DST: variants seen among roughly 807,000 people sequenced by gnomAD.
DST encodes the protein dystonin, also known as bullous pemphigoid antigen.
Under a neutral mutation model 875.2 loss-of-function variants are expected in DST, and 253 were observed. The observed-to-expected ratio is 0.29, with a 90% CI of 0.26 to 0.32. The LOEUF (loss-of-function observed/expected upper bound fraction) is 0.32, where lower values mean the gene tolerates loss of function less well. Among genes scored for constraint, DST ranks in the 10% least tolerant of loss-of-function variants. The probability of loss-of-function intolerance (pLI) is 1.00; values close to 1 mark genes in which losing one functional copy is unlikely to be tolerated. For synonymous variants in DST, 3,124 were observed against 3,197.1 expected (o/e 0.98, Z 0.77); for missense variants, 8,287 against 9,111.6 (o/e 0.91, Z 3.68).
intron 100 of DST, 136 bp from the exon 101 acceptor site, chr6:56,463,900 A>G: frequency 2.2e-6 from 2 of 909,488 alleles, no homozygotes; most frequent in Non-Finnish European, 3.6e-6. Flanking sequence ...TGCCATGCCA[A>G]CTCCAACTCA....
chr6:56,924,422 A>AT (rs200418341), intron 2 of DST, among the ~76,000 whole-genome samples: 3,079 of 152,188 alleles, frequency 0.02, 107 homozygotes, highest in African/African-American at 0.07. Context: ...GATGTTATAT[A>AT]TTTTTTAATA....
At position 56,473,960 on chromosome 6, in the gene DST, T is replaced by C; in HGVS notation, c.21907A>G (p.Lys7303Glu). The C allele has an allele frequency of 6.3e-7, 1 of 1,584,250 alleles. No homozygotes were observed. The change falls in exon 93 of 104, where the codon AAA (lysine) becomes GAA (glutamate). Residue 7303 changes from lysine (K) to glutamate (E), a missense_variant. Transcript: ENST00000680361. The part of the protein sequence containing the change: ...EMTRKQPDVD[K>E]VTKTYKRRAA... Reference sequence around the variant, plus strand: ...CTCCTCTTATAGGTCTTCGTTACTTTATCAACATCAGGCTGTTTTCTGGTC... The same window carrying C: ...CTCCTCTTATAGGTCTTCGTTACTTCATCAACATCAGGCTGTTTTCTGGTC...
At chr6:56,526,255 C>A in intron 69 of DST, 106 bp downstream of exon 69, 1 of 1,198,394 alleles carries the variant, frequency 8.3e-7, no homozygotes, top group East Asian at 2.5e-5. Context: ...TTTGGAAGCA[C>A]AGCAAATGAA....
chr6:56,465,833 G>A (rs1179427246), intron 99 of DST, among the ~76,000 whole-genome samples: 1 of 138,840 alleles, frequency 7.2e-6, no homozygotes, highest in Non-Finnish European at 1.5e-5. Context: ...ATGGATTCTA[G>A]TATTTCCCGC....
chr6:56,503,767 C>G (rs537293023), intron 78 of DST, among the ~76,000 whole-genome samples: 1 of 151,918 alleles, frequency 6.6e-6, no homozygotes, highest in African/African-American at 2.4e-5. Flanking sequence ...TTTTTCTATA[C>G]GAACAGTTAT....
At chr6:56,537,333 T>G (rs2097026037) in intron 61 of DST, among the ~76,000 whole-genome samples, 1 of 152,164 alleles carries the variant, frequency 6.6e-6, no homozygotes, top group Non-Finnish European at 1.5e-5. Context: ...AAGTACAAAA[T>G]GAGCCTTCAT....
At chr6:56,537,663 T>C (rs1195542598) in intron 61 of DST, among the ~76,000 whole-genome samples, 2 of 152,326 alleles carry the variant, frequency 1.3e-5, no homozygotes, top group East Asian at 3.9e-4. Flanking sequence ...GGTTACTCTG[T>C]AGTCATTGTC....
chr6:56,499,901 C>A (rs369241673), intron 80 of DST, among the ~76,000 whole-genome samples: 2 of 152,082 alleles, frequency 1.3e-5, no homozygotes, highest in African/African-American at 2.4e-5. Flanking sequence ...GTCATTAGGG[C>A]TTTAAGCAAA....
At chr6:56,865,621 G>A (rs1172204300) in intron 3 of DST, among the ~76,000 whole-genome samples, 1 of 152,274 alleles carries the variant, frequency 6.6e-6, no homozygotes, top group African/African-American at 2.4e-5. Context: ...CTTCCAAAGT[G>A]CTGGGATTAC....
chr6:56,480,603 A>G (rs2095368844), intron 90 of DST, among the ~76,000 whole-genome samples: 1 of 152,226 alleles, frequency 6.6e-6, no homozygotes, highest in Non-Finnish European at 1.5e-5. Flanking sequence ...GAATGTATGA[A>G]GGGAAGCAGA....
chr6:56,904,857 T>A (rs777018810), intron 2 of DST, among the ~76,000 whole-genome samples: 1 of 152,198 alleles, frequency 6.6e-6, no homozygotes, highest in South Asian at 2.1e-4. Flanking sequence ...TGGCGCAATA[T>A]CGGCTCACTG....
intron 9 of DST, chr6:56,692,833 C>G (rs1320794058): frequency 7.8e-7 from 1 of 1,289,858 alleles, no homozygotes; most frequent in South Asian, 1.2e-5. Context: ...CTGTTTAACG[C>G]TGTCAGCTAC....
intron 17 of DST, among the ~76,000 whole-genome samples, chr6:56,641,414 C>G (rs1310627228): frequency 6.6e-6 from 1 of 152,048 alleles, no homozygotes; most frequent in Non-Finnish European, 1.5e-5. Context: ...TGGCAAAACC[C>G]TGCCTCCACT....
chr6:56,865,893 G>C (rs183089576), intron 3 of DST, among the ~76,000 whole-genome samples: 10 of 152,242 alleles, frequency 6.6e-5, no homozygotes, highest in Admixed American at 5.9e-4. Context: ...AAAACACAAA[G>C]ATAGCTAAAT....
rs552136562 is a variant in DST at position 56,636,433 on chromosome 6, T to A, written c.3060+124A>T. 221 of 715,544 alleles carry A rather than the reference T, an allele frequency of 3.1e-4. 1 individual carries two copies. In the South Asian group the frequency reaches 3.2e-3, roughly 10 times the overall value. 44.3% of individuals were successfully genotyped at this position (715,544 alleles called of 1,614,324 possible). A position where few individuals can be genotyped will look rare whatever the true frequency, so the allele number is the denominator to read the frequency against. Reference sequence around the variant, plus strand: ...ATATACACACATATATGTGTATATATATATGTGTGTATATATATACACAGA... The same window carrying A: ...ATATACACACATATATGTGTATATAAATATGTGTGTATATATATACACAGA... On this transcript the variant is annotated intron_variant, in intron 23 of 103. Coordinates refer to ENST00000680361, the MANE Select transcript of DST (RefSeq NM_001374736.1).
chr6:56,485,317 G>A lies in DST; in HGVS notation c.21202C>T (p.His7068Tyr). 1 of 1,613,662 alleles carries A rather than the reference G, an allele frequency of 6.2e-7. No individual in the cohort carries two copies. Among genetic ancestry groups the A allele is most frequent in the Non-Finnish European group, 8.5e-7 (1 of 1,179,754 alleles). The change falls in exon 88 of 104, where the codon CAC becomes TAC. Residue 7068 changes from histidine (H) to tyrosine (Y), a missense_variant. Around this residue, in one of 10 missense-constraint regions of DST, gnomAD observed 1,292 missense variants for 1,552.7 expected, o/e 0.83. Transcript: ENST00000680361. ...IDLVMNLIDN[H>Y]KAFQKELGKR... ...AATGTCCCAGATAACAATACCTTGT[G>A]ATTATCGATCAGATTCATCACCAAA...
chr6:56,907,482 G>A (rs1160724056), intron 2 of DST, among the ~76,000 whole-genome samples: 3 of 152,184 alleles, frequency 2.0e-5, no homozygotes, highest in Non-Finnish European at 4.4e-5. Context: ...ACACCCTGCA[G>A]AAACAAGCAA....
intron 69 of DST, among the ~76,000 whole-genome samples, chr6:56,520,461 G>A (rs2152494957): frequency 6.6e-6 from 1 of 152,142 alleles, no homozygotes; most frequent in Middle Eastern, 3.4e-3. Flanking sequence ...TTGTGGTGAG[G>A]GGAATATTCT....
chr6:56,615,703 G>A lies in DST; in HGVS notation c.4930-1219C>T, dbSNP rs766610780. The A allele has an allele frequency of 8.7e-6, 14 of 1,614,016 alleles. No individual in the cohort carries two copies. In the Admixed American group the frequency reaches 1.7e-4, roughly 19 times the overall value. On this transcript the variant is annotated intron_variant, in intron 36 of 103. Coordinates refer to ENST00000680361, the MANE Select transcript of DST (RefSeq NM_001374736.1). Reference sequence around the variant, plus strand: ...TTTGATCTTTGAGTTTTGTGGCAATGAGGACATCTATAATACCTACTTGGA... The same window carrying A: ...TTTGATCTTTGAGTTTTGTGGCAATAAGGACATCTATAATACCTACTTGGA...
Sources: gnomAD v4.1 joint callset for allele counts (sites outside exome capture counted in the v4.1 genomes callset) on GRCh38, gnomAD v4.1.1 for gene constraint, gnomAD v4.1.1 regional missense constraint, MANE v1.5 for transcripts, NCBI Gene and HGNC (gene_info 2026-07-23, HGNC 2026-07-21) for gene names.